Variants in NLGN1 observed in about 807,000 individuals in gnomAD.
NLGN1 encodes the protein neuroligin-1.
A neutral mutation model predicts 65.5 loss-of-function variants in NLGN1; 12 were observed. The ratio of observed to expected loss-of-function variants is 0.18; its 90% confidence interval spans 0.12 to 0.30. The LOEUF (loss-of-function observed/expected upper bound fraction) is 0.30. Among genes scored for constraint, NLGN1 ranks in the 10% least tolerant of loss-of-function variants. NLGN1 has a pLI of 1.00. For synonymous variants in NLGN1, 350 were observed against 359.5 expected, an observed-to-expected ratio of 0.97 and a Z score of 0.30; for missense variants, 750 against 1,007.1, an observed-to-expected ratio of 0.74 and a Z score of 3.46.
chr3:174,031,411 G>A, intron 4 of NLGN1, among the ~76,000 whole-genome samples: 1 of 152,226 alleles, frequency 6.6e-6, no homozygotes, highest in South Asian at 2.1e-4. Context: ...GTTTCTGTTT[G>A]TAAGTGTAAA....
intron 4 of NLGN1, among the ~76,000 whole-genome samples, chr3:173,894,126 C>T (rs1175342599): frequency 6.6e-6 from 1 of 152,120 alleles, no homozygotes; most frequent in Non-Finnish European, 1.5e-5. Flanking sequence ...GTATTGACTT[C>T]CATTATAGCA....
At chr3:173,806,087 T>C (rs1332777978) in intron 3 of NLGN1, among the ~76,000 whole-genome samples, 1 of 152,108 alleles carries the variant, frequency 6.6e-6, no homozygotes, top group Non-Finnish European at 1.5e-5. Context: ...TTTGGGGAAT[T>C]AGAGGGGTAC....
chr3:173,863,409 C>T (rs1729530055), intron 4 of NLGN1, among the ~76,000 whole-genome samples: 1 of 152,122 alleles, frequency 6.6e-6, no homozygotes, highest in Admixed American at 6.5e-5. Context: ...GAAATCTTTG[C>T]TTACTTTAGG....
chr3:173,887,123 G>A (rs1299588153), intron 4 of NLGN1, among the ~76,000 whole-genome samples: 3 of 152,016 alleles, frequency 2.0e-5, no homozygotes, highest in Non-Finnish European at 2.9e-5. Flanking sequence ...GAAACAAAGT[G>A]CATTTCTTAC....
intron 3 of NLGN1, among the ~76,000 whole-genome samples, chr3:173,683,550 G>GT (rs1280470849): frequency 6.6e-5 from 10 of 152,006 alleles, no homozygotes; most frequent in African/African-American, 1.7e-4. Context: ...TCAAAATATG[G>GT]TTTTTTTACC....
At chr3:173,412,023 C>T (rs1019672075) in intron 1 of NLGN1, among the ~76,000 whole-genome samples, 1 of 152,238 alleles carries the variant, frequency 6.6e-6, no homozygotes, top group Non-Finnish European at 1.5e-5. Flanking sequence ...TAGTAGCAAC[C>T]ACTTTCTCTC....
At chr3:174,277,989 A>G (rs1211682447) in intron 5 of NLGN1, among the ~76,000 whole-genome samples, 1 of 152,006 alleles carries the variant, frequency 6.6e-6, no homozygotes, top group Non-Finnish European at 1.5e-5. Context: ...TACCTTAATG[A>G]GAAGATAAAG....
intron 4 of NLGN1, among the ~76,000 whole-genome samples, chr3:173,879,254 AG>A (rs202060884): frequency 0.01 from 1,552 of 151,664 alleles, 33 homozygotes; most frequent in African/African-American, 0.036. Context: ...AAAGAAAGAA[AG>A]AAAAAAATGT....
chr3:173,714,620 G>A (rs551157949), intron 3 of NLGN1, among the ~76,000 whole-genome samples: 69 of 152,196 alleles, frequency 4.5e-4, no homozygotes, highest in Middle Eastern at 3.4e-3. Flanking sequence ...TTATTTTAGA[G>A]AATGAACTAT....
intron 4 of NLGN1, among the ~76,000 whole-genome samples, chr3:173,848,761 A>C (rs1387165818): frequency 6.6e-6 from 1 of 152,156 alleles, no homozygotes; most frequent in Non-Finnish European, 1.5e-5. Context: ...ATTTTTGATG[A>C]ATATTTTATT....
intron 4 of NLGN1, among the ~76,000 whole-genome samples, chr3:174,031,538 A>G (rs914079367): frequency 6.6e-6 from 1 of 152,208 alleles, no homozygotes; most frequent in Non-Finnish European, 1.5e-5. Context: ...CATTGTTGAT[A>G]TCTTCAGGGA....
chr3:173,876,696 G>A (rs1732170309), intron 4 of NLGN1, among the ~76,000 whole-genome samples: 1 of 151,986 alleles, frequency 6.6e-6, no homozygotes, highest in Non-Finnish European at 1.5e-5. Context: ...GACACTAATG[G>A]GAAAGAGCTC....
At chr3:173,736,777 C>T (rs534848395) in intron 3 of NLGN1, among the ~76,000 whole-genome samples, 63 of 151,950 alleles carry the variant, frequency 4.1e-4, no homozygotes, top group Non-Finnish European at 8.1e-4. Flanking sequence ...ATGATTATGA[C>T]TTCAAAGTAG....
At chr3:174,098,687 G>A (rs1196166210) in intron 4 of NLGN1, among the ~76,000 whole-genome samples, 2 of 152,106 alleles carry the variant, frequency 1.3e-5, no homozygotes, top group Non-Finnish European at 2.9e-5. Context: ...TCAGTTCAGT[G>A]TTAGGCCTGA....
intron 4 of NLGN1, among the ~76,000 whole-genome samples, chr3:174,212,310 C>T (rs1268144377): frequency 6.6e-6 from 1 of 152,234 alleles, no homozygotes; most frequent in East Asian, 1.9e-4. Flanking sequence ...CTCCAGCTGG[C>T]CCGCAAGCGC....
intron 4 of NLGN1, among the ~76,000 whole-genome samples, chr3:174,136,835 T>C (rs988990166): frequency 6.6e-6 from 1 of 152,132 alleles, no homozygotes; most frequent in African/African-American, 2.4e-5. Context: ...ATTTACATAG[T>C]TTGGGAAACA....
intron 2 of NLGN1, among the ~76,000 whole-genome samples, chr3:173,532,308 G>A (rs1736710995): frequency 6.6e-6 from 1 of 152,070 alleles, no homozygotes; most frequent in Non-Finnish European, 1.5e-5. Context: ...ATATTATTTG[G>A]TCTCTTAGGG....
chr3:173,449,428 C>T (rs532719080), intron 2 of NLGN1, among the ~76,000 whole-genome samples: 147 of 152,136 alleles, frequency 9.7e-4, no homozygotes, highest in Non-Finnish European at 1.8e-3. Flanking sequence ...GTCTGAGAGA[C>T]AGTTTGTTAT....
chr3:174,265,763 C>CTATATATATATGTATA (rs1298436001), intron 4 of NLGN1, among the ~76,000 whole-genome samples: 1 of 125,668 alleles, frequency 8.0e-6, no homozygotes, highest in African/African-American at 3.4e-5. Context: ...ACTAAGAAGG[C>CTATATATATATGTATA]TATATATATA....
Sources: gnomAD v4.1 joint callset for allele counts (sites outside exome capture counted in the v4.1 genomes callset) on GRCh38, gnomAD v4.1.1 for gene constraint, MANE v1.5 for transcripts, NCBI Gene and HGNC (gene_info 2026-07-23, HGNC 2026-07-21) for gene names.